The following CFAP61 variants were observed in gnomAD, a reference collection of about 807,000 sequenced individuals.
CFAP61 encodes cilia- and flagella-associated protein 61.
In CFAP61, 107 loss-of-function variants were observed where a neutral mutation model predicts 135.6. The observed-to-expected ratio is 0.79, with a 90% CI of 0.67 to 0.93. The LOEUF (loss-of-function observed/expected upper bound fraction) is 0.93. CFAP61 is among the 40% of genes least tolerant of loss of function. CFAP61 has a pLI of 0.00. For missense variants in CFAP61, 1,507 were observed against 1,556.2 expected (o/e 0.97, Z 0.53); for synonymous variants, 575 against 578.5 (o/e 0.99, Z 0.09).
chr20:20,052,666 G>C (rs529488737), intron 1 of CFAP61, 75 bp downstream of exon 1: 14 of 1,613,250 alleles, frequency 8.7e-6, no homozygotes, highest in Non-Finnish European at 1.0e-5. Context: ...CCCCAGGTCA[G>C]CCTCCGGAAC....
intron 3 of CFAP61, 38 bp from the exon 4 acceptor site, chr20:20,074,264 G>T: frequency 6.3e-7 from 1 of 1,579,698 alleles, no homozygotes; most frequent in South Asian, 1.1e-5. Flanking sequence ...CCCGAATACT[G>T]ACTCAGCCTT....
At chr20:20,080,670 T>C (rs1170242133) in intron 6 of CFAP61, among the ~76,000 whole-genome samples, 1 of 152,204 alleles carries the variant, frequency 6.6e-6, no homozygotes, top group Non-Finnish European at 1.5e-5. Flanking sequence ...TAGAGTTGTT[T>C]CCTTACATCT....
chr20:20,246,727 A>T (rs2050484907), intron 19 of CFAP61, among the ~76,000 whole-genome samples: 1 of 152,158 alleles, frequency 6.6e-6, no homozygotes, highest in Admixed American at 6.5e-5. Context: ...CATAGCTTTC[A>T]TTCATTTTAA....
At chr20:20,352,744 A>T (rs976080187) in intron 26 of CFAP61, among the ~76,000 whole-genome samples, 2 of 152,204 alleles carry the variant, frequency 1.3e-5, no homozygotes, top group African/African-American at 4.8e-5. Flanking sequence ...TCTAGAAGAG[A>T]ACATAGGAGA....
At chr20:20,177,793 T>C (rs1392246527) in intron 13 of CFAP61, among the ~76,000 whole-genome samples, 1 of 96,882 alleles carries the variant, frequency 1.0e-5, no homozygotes, top group East Asian at 2.1e-4. Flanking sequence ...GGATAGGAAC[T>C]GCTGAGTGGG....
At chr20:20,173,767 C>CT (rs140406716) in intron 13 of CFAP61, among the ~76,000 whole-genome samples, 13,684 of 152,122 alleles carry the variant, frequency 0.09, 644 homozygotes, top group Middle Eastern at 0.14. Flanking sequence ...GCATTGGTGA[C>CT]TTTTTTTCTT....
chr20:20,163,778 G>A (rs1311105576), intron 10 of CFAP61, among the ~76,000 whole-genome samples: 3 of 137,578 alleles, frequency 2.2e-5, no homozygotes, highest in Non-Finnish European at 3.1e-5. Context: ...CTTTCCCCCC[G>A]ACCCCCCTGA....
intron 14 of CFAP61, 75 bp downstream of exon 14, chr20:20,188,131 TC>T: frequency 2.0e-6 from 3 of 1,502,514 alleles, no homozygotes; most frequent in Non-Finnish European, 2.8e-6. Flanking sequence ...CCCTGAAACT[TC>T]CTTGGATCTG....
chr20:20,059,269 A>G (rs1443550035), intron 2 of CFAP61, among the ~76,000 whole-genome samples: 1 of 141,348 alleles, frequency 7.1e-6, no homozygotes, highest in African/African-American at 2.5e-5. Flanking sequence ...CGGAGGTTGC[A>G]ATGAGCCAAG....
chr20:20,239,606 A>C (rs755023567), intron 18 of CFAP61, among the ~76,000 whole-genome samples: 4 of 152,228 alleles, frequency 2.6e-5, no homozygotes, highest in Non-Finnish European at 5.9e-5. Flanking sequence ...CCTAAGAAGC[A>C]TTAGGTTCTA....
intron 17 of CFAP61, among the ~76,000 whole-genome samples, chr20:20,206,597 C>A (rs1329786001): frequency 1.3e-5 from 2 of 152,140 alleles, no homozygotes; most frequent in Non-Finnish European, 2.9e-5. Flanking sequence ...TGTACTTTAT[C>A]TCTTTTTTAT....
chr20:20,077,274 A>T (rs774839682), intron 6 of CFAP61, among the ~76,000 whole-genome samples: 28 of 152,240 alleles, frequency 1.8e-4, no homozygotes, highest in Non-Finnish European at 2.8e-4. Flanking sequence ...AGTAGCATGA[A>T]TCAATCTCAG....
chr20:20,114,490 C>T (rs987542761), intron 8 of CFAP61, among the ~76,000 whole-genome samples: 4 of 152,096 alleles, frequency 2.6e-5, no homozygotes, highest in African/African-American at 7.2e-5. Flanking sequence ...AGAGGCTTCG[C>T]ATATCTGTTG....
In CFAP61 at chr20:20,187,942, A is replaced by C. The variant is rs762304405; in HGVS notation, c.1398A>C (p.Ile466=). ...HRAGLLKSIN[I]RFATLLDTPG... Reference sequence around the variant, plus strand: ...TCTCCTTACCCAGGTCCATTAATATAAGATTTGCCACTCTCTTGGATACTC... The same window carrying C: ...TCTCCTTACCCAGGTCCATTAATATCAGATTTGCCACTCTCTTGGATACTC... The change falls in exon 14 of 27, where the codon ATA becomes ATC. Residue 466 remains isoleucine, a synonymous_variant. Transcript: ENST00000245957. 9.3e-6 allele frequency: 15 copies of C among 1,613,018 alleles called. 1 individual carries two copies. The Middle Eastern group carries it at 1.2e-3, about 124-fold the overall frequency.
Position 20,187,993 on chromosome 20 carries a change from C to G in CFAP61, c.1449C>G (p.Thr483=). The G allele has an allele frequency of 6.2e-7, 1 of 1,613,810 alleles. No individual in the cohort carries two copies. The highest frequency in any genetic ancestry group is 8.5e-7 in the Non-Finnish European group (1 of 1,179,766). ...CTGGTGTGGAAAATCTTGTCAGCAC[C>G]CTCATGTTGAATAAAAGCATATTGG... ...DTPGVENLVS[T]LMLNKSILED... The change falls in exon 14 of 27, where the codon ACC becomes ACG. Residue 483 remains threonine, a synonymous_variant. Coordinates refer to ENST00000245957, the MANE Select transcript of CFAP61 (RefSeq NM_015585.4).
intron 25 of CFAP61, among the ~76,000 whole-genome samples, chr20:20,316,381 A>G (rs1196981850): frequency 6.6e-6 from 1 of 151,730 alleles, no homozygotes; most frequent in Non-Finnish European, 1.5e-5. Flanking sequence ...ATTTTTGTAC[A>G]TTGATTTTGT....
chr20:20,183,378 T>C (rs1029609034), intron 13 of CFAP61, among the ~76,000 whole-genome samples: 65 of 152,192 alleles, frequency 4.3e-4, no homozygotes, highest in Admixed American at 4.1e-3. Context: ...GCTGGGCTGG[T>C]CTTGAACTCC....
At chr20:20,201,746 A>G (rs1480214325) in intron 17 of CFAP61, among the ~76,000 whole-genome samples, 2 of 152,188 alleles carry the variant, frequency 1.3e-5, no homozygotes, top group African/African-American at 2.4e-5. Flanking sequence ...CAGGCGTACA[A>G]CCTTGCAGCT....
In CFAP61 at chr20:20,355,985, A is replaced by AAGT. The variant is rs1569331864; in HGVS notation, c.3514-4225_3514-4224insAGT. 2.9e-4 allele frequency among the ~76,000 whole-genome samples: 2 copies of AAGT among 6,884 alleles called. 1 individual carries two copies. Among genetic ancestry groups the AAGT allele is most frequent in the Non-Finnish European group, 4.3e-3 (2 of 462 alleles). The allele number at this position is 6,884 out of a possible 152,430, so 4.5% of individuals were successfully genotyped here. A position where few individuals can be genotyped will look rare whatever the true frequency, so the allele number is the denominator to read the frequency against. Reference sequence around the variant, plus strand: ...GGGGAGGTGATCACACTGTGAGGGGACGTCACACTGTGAGGGGAGGTGGTC... The same window carrying AAGT: ...GGGGAGGTGATCACACTGTGAGGGGAAGTCGTCACACTGTGAGGGGAGGTGGTC... On this transcript the variant is annotated intron_variant, in intron 26 of 26. Transcript: ENST00000245957.
Sources: allele counts gnomAD v4.1 joint callset (sites outside exome capture counted in the v4.1 genomes callset), GRCh38; gene constraint gnomAD v4.1.1; transcripts MANE v1.5; gene names NCBI Gene and HGNC (gene_info 2026-07-23, HGNC 2026-07-21).